Variants in NT5DC1 observed in about 807,000 individuals in gnomAD.
The protein encoded by NT5DC1 is 5'-nucleotidase domain containing 1, also known as 5'-nucleotidase domain-containing protein 1.
In NT5DC1, 42 loss-of-function variants were observed where a neutral mutation model predicts 59.4. That is an observed-to-expected ratio of 0.71 (90% CI 0.55 to 0.92). The LOEUF (loss-of-function observed/expected upper bound fraction) is 0.92, where lower values mean the gene tolerates loss of function less well. Among genes scored for constraint, NT5DC1 ranks in the 40% least tolerant of loss-of-function variants. NT5DC1 has a pLI of 0.00. For missense variants in NT5DC1, 501 were observed against 537.1 expected, an observed-to-expected ratio of 0.93 and a Z score of 0.66; for synonymous variants, 172 against 188.1, an observed-to-expected ratio of 0.91 and a Z score of 0.70.
intron 6 of NT5DC1, among the ~76,000 whole-genome samples, chr6:116,209,682 G>A (rs1448948334): frequency 1.3e-5 from 2 of 151,716 alleles, no homozygotes; most frequent in South Asian, 2.1e-4. Context: ...AATTTTAGAC[G>A]TTTATTTGGG....
At chr6:116,227,326 G>A (rs1399004510) in intron 8 of NT5DC1, among the ~76,000 whole-genome samples, 2 of 152,068 alleles carry the variant, frequency 1.3e-5, no homozygotes, top group Non-Finnish European at 2.9e-5. Flanking sequence ...AGGTCAAATA[G>A]TATTCCATTA....
At position 116,184,914 on chromosome 6, in the gene NT5DC1, TG is replaced by T. The variant is rs138348823; in HGVS notation, c.530-36137del. On this transcript the variant is annotated intron_variant, in intron 6 of 11. Coordinates refer to ENST00000319550, the MANE Select transcript of NT5DC1 (RefSeq NM_152729.3). ...ATCTTGATTATTTCTTTTCTTCTGC[TG>T]GGTTTGGGTTTGGTTTGTTCTTATT... 1.8e-3 allele frequency among the ~76,000 whole-genome samples: 271 copies of T among 152,168 alleles called. 9 individuals carry two copies. In the East Asian group the frequency reaches 0.049, roughly 28 times the overall value.
chr6:116,201,271 C>T (rs576107886), intron 6 of NT5DC1, among the ~76,000 whole-genome samples: 2 of 152,132 alleles, frequency 1.3e-5, no homozygotes, highest in East Asian at 3.9e-4. Context: ...TGGCTGTAGC[C>T]ATTATAACTA....
At chr6:116,225,367 A>G (rs1472261325) in intron 8 of NT5DC1, among the ~76,000 whole-genome samples, 2 of 152,356 alleles carry the variant, frequency 1.3e-5, no homozygotes, top group South Asian at 4.1e-4. Flanking sequence ...GAAACCAAAT[A>G]TTGAGAGAAT....
chr6:116,180,398 T>C (rs1015848988), intron 6 of NT5DC1, among the ~76,000 whole-genome samples: 7 of 152,074 alleles, frequency 4.6e-5, no homozygotes, highest in Non-Finnish European at 7.4e-5. Context: ...GAAAATGGAA[T>C]GATAGAATTG....
At chr6:116,113,749 A>G (rs779236806) in intron 4 of NT5DC1, among the ~76,000 whole-genome samples, 4 of 152,342 alleles carry the variant, frequency 2.6e-5, no homozygotes, top group South Asian at 2.1e-4. Flanking sequence ...CTCAAAATCA[A>G]TAGTTCAACT....
chr6:116,110,723 TGAA>T, intron 3 of NT5DC1, 124 bp from the exon 4 acceptor site: 1 of 764,308 alleles, frequency 1.3e-6, no homozygotes. Flanking sequence ...GGCACCCAGT[TGAA>T]AACAGAAAAA....
intron 6 of NT5DC1, among the ~76,000 whole-genome samples, chr6:116,132,473 G>GT (rs571997614): frequency 6.2e-4 from 92 of 147,910 alleles, no homozygotes; most frequent in Admixed American, 1.4e-3. Flanking sequence ...TTGCTTATGA[G>GT]TTTTTTTTTT....
Position 116,220,122 on chromosome 6 carries a change from C to CTTTTTTTTTTTT in NT5DC1, c.530-920_530-909dup, listed in dbSNP as rs60827021. Among the ~76,000 whole-genome samples, 238 of 98,622 alleles carry CTTTTTTTTTTTT rather than the reference C, an allele frequency of 2.4e-3. 7 individuals carry two copies. The highest frequency in any genetic ancestry group is 7.3e-3 in the African/African-American group (169 of 23,030). 64.7% of individuals were successfully genotyped at this position (98,622 alleles called of 152,430 possible). ...TATCATTCAGTACAAGCTGTTTAAC[C>CTTTTTTTTTTTT]TTTTTTTTTTTTTTTTTTTTTTTGT... On this transcript the variant is annotated intron_variant, in intron 6 of 11. Transcript: ENST00000319550.
chr6:116,157,001 A>AT (rs1477139996), intron 6 of NT5DC1, among the ~76,000 whole-genome samples: 1 of 151,930 alleles, frequency 6.6e-6, no homozygotes, highest in Non-Finnish European at 1.5e-5. Flanking sequence ...TTATTTGGAT[A>AT]TTTTTTTCTC....
intron 11 of NT5DC1, among the ~76,000 whole-genome samples, chr6:116,241,785 T>C (rs1037996771): frequency 6.7e-6 from 1 of 150,106 alleles, no homozygotes; most frequent in Admixed American, 6.6e-5. Context: ...TAGCCAGGCG[T>C]GGTGGCGGGC....
chr6:116,194,721 G>A (rs78640809), intron 6 of NT5DC1, among the ~76,000 whole-genome samples: 10,871 of 152,028 alleles, frequency 0.072, 590 homozygotes, highest in Admixed American at 0.17. Flanking sequence ...ATTATTTAGA[G>A]TTTTGAATGT....
chr6:116,129,690 T>C (rs1319391913), intron 6 of NT5DC1, among the ~76,000 whole-genome samples: 1 of 152,192 alleles, frequency 6.6e-6, no homozygotes, highest in African/African-American at 2.4e-5. Flanking sequence ...TCATCATAAA[T>C]TACCCCGTCT....
chr6:116,151,156 G>T (rs565577272), intron 6 of NT5DC1, among the ~76,000 whole-genome samples: 2 of 151,952 alleles, frequency 1.3e-5, no homozygotes, highest in South Asian at 2.1e-4. Context: ...TTTGCTTCCG[G>T]GCAGCTATCT....
At chr6:116,123,846 G>A (rs1021622985) in intron 6 of NT5DC1, among the ~76,000 whole-genome samples, 1 of 152,194 alleles carries the variant, frequency 6.6e-6, no homozygotes. Flanking sequence ...ATTAAGAGAA[G>A]ATCAAAGTAT....
chr6:116,135,872 T>TATATACAC (rs368675402), intron 6 of NT5DC1, among the ~76,000 whole-genome samples: 14 of 121,308 alleles, frequency 1.2e-4, no homozygotes, highest in African/African-American at 4.9e-4. Context: ...TATATATATA[T>TATATACAC]ACACACATAC....
intron 8 of NT5DC1, among the ~76,000 whole-genome samples, chr6:116,224,892 G>T (rs1267730559): frequency 6.6e-6 from 1 of 152,184 alleles, no homozygotes; most frequent in African/African-American, 2.4e-5. Context: ...AGAAGACCTG[G>T]CAACTGCAGC....
intron 6 of NT5DC1, among the ~76,000 whole-genome samples, chr6:116,149,708 G>T (rs1357452573): frequency 1.3e-5 from 2 of 152,212 alleles, no homozygotes; most frequent in African/African-American, 2.4e-5. Flanking sequence ...CACCAAATCA[G>T]TTTAGAGATT....
At chr6:116,175,758 A>G (rs1047262493) in intron 6 of NT5DC1, among the ~76,000 whole-genome samples, 3 of 152,172 alleles carry the variant, frequency 2.0e-5, no homozygotes, top group Non-Finnish European at 4.4e-5. Context: ...AAAACTTTTA[A>G]TATTTCCATA....
Sources: gnomAD v4.1 joint callset for allele counts (sites outside exome capture counted in the v4.1 genomes callset) on GRCh38, gnomAD v4.1.1 for gene constraint, MANE v1.5 for transcripts, NCBI Gene and HGNC (gene_info 2026-07-23, HGNC 2026-07-21) for gene names.